RSPH14: variants seen among roughly 807,000 people sequenced by gnomAD.
RSPH14 encodes the protein radial spoke head 14 homolog.
In RSPH14, 20 loss-of-function variants were observed where a neutral mutation model predicts 26.7. That is an observed-to-expected ratio of 0.75 (90% CI 0.53 to 1.09). RSPH14 has a LOEUF of 1.09. Among genes scored for constraint, RSPH14 ranks in the 50% least tolerant of loss-of-function variants. The pLI is 0.00. For synonymous variants in RSPH14, 177 were observed against 189.3 expected (o/e 0.93, Z 0.53); for missense variants, 449 against 457.2 (o/e 0.98, Z 0.16).
intron 4 of RSPH14, among the ~76,000 whole-genome samples, chr22:23,115,036 C>A (rs2069783355): frequency 6.6e-6 from 1 of 152,226 alleles, no homozygotes; most frequent in African/African-American, 2.4e-5. Flanking sequence ...ATGTCACGTG[C>A]ATTTTATGTG....
At chr22:23,175,816 C>T in the RSPH14 span, among the ~76,000 whole-genome samples, 2 of 152,198 alleles carry the variant, frequency 1.3e-5, no homozygotes, top group African/African-American at 2.4e-5. Context: ...GCCCTGCCGG[C>T]CTCATGATGC....
At chr22:23,133,313 G>T (rs1569194628) in intron 4 of RSPH14, among the ~76,000 whole-genome samples, 2 of 152,152 alleles carry the variant, frequency 1.3e-5, no homozygotes, top group African/African-American at 4.8e-5. Flanking sequence ...GTAAATCTCA[G>T]AAATAAAACG....
the RSPH14 span, among the ~76,000 whole-genome samples, chr22:23,154,418 C>T: frequency 3.0e-4 from 46 of 152,204 alleles, no homozygotes; most frequent in Non-Finnish European, 2.9e-5. Context: ...CCAGCAAAGC[C>T]CTGGAGATGG....
intron 4 of RSPH14, among the ~76,000 whole-genome samples, chr22:23,103,937 G>C (rs1601808004): frequency 6.6e-6 from 1 of 152,206 alleles, no homozygotes; most frequent in Non-Finnish European, 1.5e-5. Flanking sequence ...CCTGCCCTAG[G>C]AAACAGTTTT....
intron 4 of RSPH14, among the ~76,000 whole-genome samples, chr22:23,082,638 G>A (rs1387532161): frequency 1.3e-5 from 2 of 152,140 alleles, no homozygotes; most frequent in Non-Finnish European, 2.9e-5. Flanking sequence ...AGTATGAGGA[G>A]GAGGCTGCTT....
At chr22:23,154,025 C>G in the RSPH14 span, among the ~76,000 whole-genome samples, 2 of 152,068 alleles carry the variant, frequency 1.3e-5, no homozygotes, top group Non-Finnish European at 2.9e-5. Flanking sequence ...CCCTGGGAGT[C>G]TGACTCACGA....
the RSPH14 span, among the ~76,000 whole-genome samples, chr22:23,157,458 A>G: frequency 6.6e-6 from 1 of 151,958 alleles, no homozygotes; most frequent in Non-Finnish European, 1.5e-5. Flanking sequence ...ACGGGGTTTC[A>G]CTGTGTTAGC....
At chr22:23,146,161 A>G, upstream of RSPH14, 1 of 299,096 alleles carries the variant, frequency 3.3e-6, no homozygotes, top group Non-Finnish European at 4.9e-6. Context: ...AGATTGAGAG[A>G]AATGGCCTCT....
chr22:23,083,385 CTGCAGGGTGACCCCTT>C (rs967391518), intron 4 of RSPH14, among the ~76,000 whole-genome samples: 4 of 152,094 alleles, frequency 2.6e-5, no homozygotes, highest in Non-Finnish European at 5.9e-5. Flanking sequence ...GGCCTGTGGA[CTGCAGGGTGACCCCTT>C]TGCAGGCTGC....
At chr22:23,145,283 C>T (rs929209525), upstream of RSPH14, 29 of 649,816 alleles carry the variant, frequency 4.5e-5, no homozygotes, top group East Asian at 1.5e-3. Context: ...CCCTTGTTGT[C>T]ATGGTGATCT....
intron 4 of RSPH14, among the ~76,000 whole-genome samples, chr22:23,107,201 G>C (rs1439145061): frequency 6.6e-6 from 1 of 152,168 alleles, no homozygotes; most frequent in Non-Finnish European, 1.5e-5. Flanking sequence ...GCAGGGGGGA[G>C]GGGGCCACCG....
At chr22:23,083,709 C>T (rs887175271) in intron 4 of RSPH14, among the ~76,000 whole-genome samples, 5 of 152,100 alleles carry the variant, frequency 3.3e-5, no homozygotes, top group South Asian at 2.1e-4. Context: ...CAGGAGGAGC[C>T]GGCAGCCCTG....
chr22:23,061,973 C>T, intron 5 of RSPH14, 28 bp from the exon 6 acceptor site: 2 of 1,613,106 alleles, frequency 1.2e-6, no homozygotes, highest in Non-Finnish European at 1.7e-6. Flanking sequence ...CAGAGAGGGG[C>T]TCTGCTTGGA....
the RSPH14 span, chr22:23,155,863 C>G: frequency 9.9e-7 from 1 of 1,014,422 alleles, no homozygotes; most frequent in Non-Finnish European, 1.4e-6. Context: ...GCAGCTGGCA[C>G]AGGCCCTTAG....
intron 4 of RSPH14, among the ~76,000 whole-genome samples, chr22:23,131,866 C>G (rs1692778278): frequency 6.6e-6 from 1 of 152,148 alleles, no homozygotes; most frequent in African/African-American, 2.4e-5. Context: ...GGACCAGGGG[C>G]ACGGTGGTGT....
chr22:23,125,611 G>A (rs945273063), intron 4 of RSPH14, among the ~76,000 whole-genome samples: 8 of 152,156 alleles, frequency 5.3e-5, no homozygotes, highest in South Asian at 2.1e-4. Context: ...AACCAGGCAC[G>A]GAGCCGGGCT....
At chr22:23,170,824 CATATAT>C in the RSPH14 span, among the ~76,000 whole-genome samples, 116,741 of 150,370 alleles carry the variant, frequency 0.78, 45,440 homozygotes, top group East Asian at 0.98. Context: ...GTTAGAATTT[CATATAT>C]ATATATATAT....
chr22:23,078,434 C>T (rs1357004790), intron 4 of RSPH14, among the ~76,000 whole-genome samples: 3 of 152,176 alleles, frequency 2.0e-5, no homozygotes, highest in Admixed American at 6.5e-5. Context: ...CTGCCCTTGT[C>T]CCCCCAACAC....
intron 4 of RSPH14, among the ~76,000 whole-genome samples, chr22:23,088,106 G>A (rs536697384): frequency 6.6e-6 from 1 of 152,328 alleles, no homozygotes; most frequent in Admixed American, 6.5e-5. Context: ...GAAGCAAGAT[G>A]GAGTCAGTTA....
Sources: gnomAD v4.1 joint callset for allele counts (sites outside exome capture counted in the v4.1 genomes callset) on GRCh38, gnomAD v4.1.1 for gene constraint, MANE v1.5 for transcripts, NCBI Gene and HGNC (gene_info 2026-07-23, HGNC 2026-07-21) for gene names.